NEGR1: variants seen among roughly 807,000 people sequenced by gnomAD.
The protein encoded by NEGR1 is IgLON family member 4.
Under a neutral mutation model 40.9 loss-of-function variants are expected in NEGR1, and 10 were observed. That is an observed-to-expected ratio of 0.24 (90% CI 0.15 to 0.42). The LOEUF (loss-of-function observed/expected upper bound fraction) is 0.42, where lower values mean the gene tolerates loss of function less well. NEGR1 is among the 10% of genes least tolerant of loss of function. The probability of loss-of-function intolerance (pLI) is 1.00; values close to 1 mark genes in which losing one functional copy is unlikely to be tolerated. For synonymous variants in NEGR1, 185 were observed against 166.8 expected (o/e 1.11, Z -0.84); for missense variants, 352 against 438.9 (o/e 0.80, Z 1.77).
intron 1 of NEGR1, among the ~76,000 whole-genome samples, chr1:72,011,681 T>C (rs1188344354): frequency 2.0e-5 from 3 of 152,098 alleles, no homozygotes; most frequent in African/African-American, 7.2e-5. Flanking sequence ...ACAGAAGTAA[T>C]AGTGTGAAAA....
intron 2 of NEGR1, among the ~76,000 whole-genome samples, chr1:71,917,731 G>T (rs1386342151): frequency 6.8e-6 from 1 of 146,212 alleles, no homozygotes; most frequent in Non-Finnish European, 1.5e-5. Flanking sequence ...AGTGAGCCCA[G>T]ATTGCGCCAC....
chr1:72,006,676 C>T (rs758081342), intron 1 of NEGR1, among the ~76,000 whole-genome samples: 2 of 151,874 alleles, frequency 1.3e-5, no homozygotes, highest in South Asian at 2.1e-4. Flanking sequence ...CAAAAAGTTC[C>T]GCTAAAAATA....
intron 1 of NEGR1, among the ~76,000 whole-genome samples, chr1:72,070,000 T>C: frequency 6.6e-6 from 1 of 152,116 alleles, no homozygotes; most frequent in African/African-American, 2.4e-5. Context: ...GGCATGGTTC[T>C]TAGTGATGTG....
intron 6 of NEGR1, among the ~76,000 whole-genome samples, chr1:71,433,592 G>A (rs1646483613): frequency 6.6e-6 from 1 of 152,214 alleles, no homozygotes; most frequent in South Asian, 2.1e-4. Context: ...GCAGCGGCAA[G>A]AGAAAATGAG....
intron 1 of NEGR1, among the ~76,000 whole-genome samples, chr1:72,102,513 C>A (rs183405582): frequency 6.6e-6 from 1 of 152,124 alleles, no homozygotes; most frequent in East Asian, 1.9e-4. Flanking sequence ...ATTCAATGAA[C>A]TACTCATACT....
At chr1:71,492,053 T>C (rs1193267659) in intron 6 of NEGR1, among the ~76,000 whole-genome samples, 1 of 152,094 alleles carries the variant, frequency 6.6e-6, no homozygotes, top group Admixed American at 6.6e-5. Context: ...CACAGTGCCA[T>C]CTTGGAAGCA....
intron 2 of NEGR1, among the ~76,000 whole-genome samples, chr1:71,858,586 G>A (rs554118564): frequency 1.6e-4 from 25 of 151,966 alleles, no homozygotes; most frequent in Admixed American, 2.0e-4. Context: ...TATTTTCCCC[G>A]TTTTTCAGAC....
At chr1:71,919,146 G>A (rs1661685449) in intron 2 of NEGR1, among the ~76,000 whole-genome samples, 1 of 152,108 alleles carries the variant, frequency 6.6e-6, no homozygotes, top group South Asian at 2.1e-4. Flanking sequence ...CTCAAAGGTG[G>A]ACTAACACAA....
rs1204138170 is a variant in NEGR1 at position 71,396,857 on chromosome 1, G to A, written c.*10589C>T. 2 of 154,926 alleles carry A rather than the reference G, an allele frequency of 1.3e-5. No homozygotes were observed. Among genetic ancestry groups the A allele is most frequent in the Admixed American group, 6.5e-5 (1 of 15,334 alleles). The allele number at this position is 154,926 out of a possible 1,614,324, so 9.6% of individuals were successfully genotyped here. On this transcript the variant is annotated 3_prime_UTR_variant, in exon 7 of 7. Coordinates refer to ENST00000357731, the MANE Select transcript of NEGR1 (RefSeq NM_173808.3). ...TCTTTTGTAAATTGCCCAGCCTCAG[G>A]TATGTCTTTATCAGCAGTGTGAAAA...
intron 1 of NEGR1, among the ~76,000 whole-genome samples, chr1:72,219,397 C>T (rs1416499986): frequency 6.6e-6 from 1 of 151,894 alleles, no homozygotes; most frequent in Non-Finnish European, 1.5e-5. Flanking sequence ...TATGTAATTA[C>T]TCATATGTAA....
chr1:71,558,901 C>G (rs1484808361), intron 6 of NEGR1, among the ~76,000 whole-genome samples: 1 of 150,384 alleles, frequency 6.6e-6, no homozygotes, highest in Non-Finnish European at 1.5e-5. Flanking sequence ...CTAGTCACTA[C>G]TGGGGTGTCA....
rs1654886110 is a variant in NEGR1 at position 72,245,879 on chromosome 1, C to A, written c.176+36440G>T. Among the ~76,000 whole-genome samples, 3 of 152,098 alleles carry A rather than the reference C, an allele frequency of 2.0e-5. No homozygotes were observed. In the South Asian group the frequency reaches 6.2e-4, roughly 32 times the overall value. ...AATCTAGTACTCTTAACAAAAGTTT[C>A]AAAAATTTAATGACATAAAACTGTA... On this transcript the variant is annotated intron_variant, in intron 1 of 6. Transcript: ENST00000357731.
chr1:71,701,760 A>G (rs1653703230), intron 3 of NEGR1, among the ~76,000 whole-genome samples: 1 of 152,184 alleles, frequency 6.6e-6, no homozygotes. Context: ...TAATTATAAT[A>G]TTTTTCAAAG....
chr1:72,282,231 G>A (rs1485446251), intron 1 of NEGR1, 88 bp downstream of exon 1: 1 of 1,428,036 alleles, frequency 7.0e-7, no homozygotes, highest in Non-Finnish European at 9.6e-7. Flanking sequence ...CAGCATTATT[G>A]CTTGTGTTAT....
chr1:72,028,632 T>G (rs184303566), intron 1 of NEGR1, among the ~76,000 whole-genome samples: 20 of 152,342 alleles, frequency 1.3e-4, no homozygotes, highest in African/African-American at 4.8e-4. Flanking sequence ...TTGTACACAC[T>G]GATACCTTTA....
At chr1:71,774,157 A>C in intron 3 of NEGR1, among the ~76,000 whole-genome samples, 1 of 152,174 alleles carries the variant, frequency 6.6e-6, no homozygotes, top group East Asian at 1.9e-4. Context: ...ATTATCATGC[A>C]ATTTTTGAAA....
chr1:71,546,682 G>C (rs1381793160), intron 6 of NEGR1, among the ~76,000 whole-genome samples: 1 of 151,674 alleles, frequency 6.6e-6, no homozygotes, highest in Non-Finnish European at 1.5e-5. Flanking sequence ...TGTACAAAGT[G>C]ACACAGATAG....
intron 3 of NEGR1, among the ~76,000 whole-genome samples, chr1:71,709,907 T>C (rs577213543): frequency 8.5e-4 from 130 of 152,232 alleles, no homozygotes; most frequent in African/African-American, 2.9e-3. Flanking sequence ...CAACAAAGGA[T>C]ACGGTCAACC....
intron 2 of NEGR1, among the ~76,000 whole-genome samples, chr1:71,918,340 C>A (rs201752097): frequency 2.0e-5 from 3 of 148,746 alleles, no homozygotes; most frequent in African/African-American, 7.4e-5. Context: ...GTAATCCCAA[C>A]CACATGTCAA....
Sources: gnomAD v4.1 joint callset for allele counts (sites outside exome capture counted in the v4.1 genomes callset) on GRCh38, gnomAD v4.1.1 for gene constraint, MANE v1.5 for transcripts, NCBI Gene and HGNC (gene_info 2026-07-23, HGNC 2026-07-21) for gene names.